The following PRKCB variants were observed in gnomAD, a reference collection of about 807,000 sequenced individuals.
The protein encoded by PRKCB is protein kinase C beta type.
In PRKCB, 13 loss-of-function variants were observed where a neutral mutation model predicts 81.5. The ratio of observed to expected loss-of-function variants is 0.16; its 90% CI spans 0.10 to 0.25. PRKCB has a LOEUF of 0.25. Among genes scored for constraint, PRKCB ranks in the 10% least tolerant of loss-of-function variants. The pLI is 1.00. For synonymous variants in PRKCB, 335 were observed against 321.4 expected, an observed-to-expected ratio of 1.04 and a Z score of -0.45; for missense variants, 509 against 875.7, an observed-to-expected ratio of 0.58 and a Z score of 5.29.
At chr16:24,120,464 G>A (rs1391329661) in intron 8 of PRKCB, among the ~76,000 whole-genome samples, 1 of 152,204 alleles carries the variant, frequency 6.6e-6, no homozygotes, top group Non-Finnish European at 1.5e-5. Flanking sequence ...TTAAGCTGCT[G>A]TGGGGAAGAG....
chr16:24,159,005 C>T (rs1202429476), intron 10 of PRKCB, among the ~76,000 whole-genome samples: 1 of 152,062 alleles, frequency 6.6e-6, no homozygotes, highest in Non-Finnish European at 1.5e-5. Flanking sequence ...CTCCACCTGA[C>T]ACCCCTGGGT....
chr16:24,084,161 C>T (rs966293738), intron 5 of PRKCB, among the ~76,000 whole-genome samples: 8 of 152,012 alleles, frequency 5.3e-5, no homozygotes, highest in African/African-American at 1.9e-4. Context: ...ATAAATATAA[C>T]CACTAAATAA....
At chr16:24,047,732 G>C (rs1965785686) in intron 5 of PRKCB, among the ~76,000 whole-genome samples, 1 of 152,206 alleles carries the variant, frequency 6.6e-6, no homozygotes, top group South Asian at 2.1e-4. Flanking sequence ...AGAGGAAGGA[G>C]ATGCTTCAGC....
chr16:24,157,209 G>T (rs1419405002), intron 10 of PRKCB, among the ~76,000 whole-genome samples: 1 of 152,116 alleles, frequency 6.6e-6, no homozygotes, highest in East Asian at 1.9e-4. Context: ...AAGAGAGACT[G>T]AGAACCAGGA....
intron 5 of PRKCB, among the ~76,000 whole-genome samples, chr16:24,081,706 T>C (rs769650036): frequency 1.3e-5 from 2 of 151,856 alleles, no homozygotes; most frequent in Non-Finnish European, 2.9e-5. Flanking sequence ...AACCCCCACA[T>C]CTACTAAAAA....
Position 24,217,962 on chromosome 16 carries a change from A to G in PRKCB, c.*3146A>G. 1 of 985,364 alleles carries G rather than the reference A, an allele frequency of 1.0e-6. No homozygotes were observed. Among genetic ancestry groups the G allele is most frequent in the Non-Finnish European group, 1.2e-6 (1 of 829,922 alleles). 61.0% of individuals were successfully genotyped at this position (985,364 alleles called of 1,614,324 possible). ...ATTCCATTGTTTTGCCTCAGAGTAA[A>G]GTTTCTGGCTCGGGGACAATTATAA... On this transcript the variant is annotated 3_prime_UTR_variant, in exon 17 of 17. Transcript: ENST00000643927.
chr16:23,879,705 G>T (rs1567300063), intron 2 of PRKCB, among the ~76,000 whole-genome samples: 2 of 152,014 alleles, frequency 1.3e-5, no homozygotes. Flanking sequence ...TGTTGGCTAG[G>T]CTGGTCTCGA....
At position 24,149,909 on chromosome 16, in the gene PRKCB, A is replaced by G. The variant is rs1454341254; in HGVS notation, c.1066-4775A>G. Among the ~76,000 whole-genome samples the G allele has an allele frequency of 2.0e-5, 3 of 152,252 alleles. No homozygotes were observed. The East Asian group carries it at 5.8e-4, about 29-fold the overall frequency. On this transcript the variant is annotated intron_variant, in intron 9 of 16. Coordinates refer to ENST00000643927, the MANE Select transcript of PRKCB (RefSeq NM_002738.7). ...AGGAACATAAAGGTTTCAAACAGAA[A>G]ATGGCTAAGCCTCATGAGAGATTGG...
intron 2 of PRKCB, among the ~76,000 whole-genome samples, chr16:23,951,530 C>A (rs1964283134): frequency 6.6e-6 from 1 of 151,596 alleles, no homozygotes; most frequent in Non-Finnish European, 1.5e-5. Context: ...ATCTTCCCAC[C>A]TTAGCCTCCC....
At chr16:23,908,571 C>A (rs990552813) in intron 2 of PRKCB, among the ~76,000 whole-genome samples, 10 of 152,000 alleles carry the variant, frequency 6.6e-5, no homozygotes, top group African/African-American at 2.4e-4. Flanking sequence ...CGCTCTGTCG[C>A]CCCAGGCTGG....
chr16:23,856,657 G>T (rs992381206), intron 2 of PRKCB, among the ~76,000 whole-genome samples: 3 of 151,906 alleles, frequency 2.0e-5, no homozygotes, highest in Non-Finnish European at 4.4e-5. Context: ...ATGAGTAGCT[G>T]GGACTTGAGG....
chr16:24,174,238 T>C lies in PRKCB; in HGVS notation c.1332-280T>C, dbSNP rs560112043. The C allele has an allele frequency of 2.4e-5, 8 of 326,788 alleles. No homozygotes were observed. In the East Asian group the frequency reaches 2.5e-4, roughly 10 times the overall value. The allele number at this position is 326,788 out of a possible 1,614,324, so 20.2% of individuals were successfully genotyped here. ...CTATGTTGCCCAGCTAGTGAAACTA[T>C]AATCCTTCATCCAGTTCATCATATC... On this transcript the variant is annotated intron_variant, in intron 11 of 16. Coordinates refer to ENST00000643927, the MANE Select transcript of PRKCB (RefSeq NM_002738.7).
intron 5 of PRKCB, among the ~76,000 whole-genome samples, chr16:24,053,494 C>A (rs751156277): frequency 1.3e-5 from 2 of 152,088 alleles, no homozygotes; most frequent in Non-Finnish European, 2.9e-5. Context: ...AGTTTGTAGA[C>A]CTCTGTTGTA....
At chr16:23,989,829 C>T (rs538008640) in intron 3 of PRKCB, among the ~76,000 whole-genome samples, 3 of 152,292 alleles carry the variant, frequency 2.0e-5, no homozygotes, top group Non-Finnish European at 1.5e-5. Flanking sequence ...ATGCCTAATA[C>T]TTGCTTTTCC....
intron 2 of PRKCB, among the ~76,000 whole-genome samples, chr16:23,956,978 G>GT (rs1964357568): frequency 3.5e-5 from 1 of 28,224 alleles, no homozygotes; most frequent in Non-Finnish European, 5.9e-5. Context: ...GCTATAGGCA[G>GT]TAAAAAAAAA....
chr16:24,109,003 C>A (rs1315827764), intron 7 of PRKCB, among the ~76,000 whole-genome samples: 1 of 139,412 alleles, frequency 7.2e-6, no homozygotes, highest in African/African-American at 3.1e-5. Context: ...ACCTCCCTCC[C>A]GGACGGGGCG....
intron 13 of PRKCB, among the ~76,000 whole-genome samples, chr16:24,184,621 G>A (rs1362808870): frequency 6.6e-6 from 1 of 152,094 alleles, no homozygotes; most frequent in Admixed American, 6.5e-5. Context: ...GATTATGGGT[G>A]ATTTTCATGT....
intron 2 of PRKCB, among the ~76,000 whole-genome samples, chr16:23,921,830 T>C (rs1963830217): frequency 6.6e-6 from 1 of 152,082 alleles, no homozygotes; most frequent in Non-Finnish European, 1.5e-5. Flanking sequence ...TACCCTCATA[T>C]CACAATAATG....
intron 16 of PRKCB, among the ~76,000 whole-genome samples, chr16:24,193,336 T>C (rs368186039): frequency 6.6e-6 from 1 of 151,720 alleles, no homozygotes; most frequent in African/African-American, 2.4e-5. Context: ...TCCCAGCTAT[T>C]TGTGAGGCTG....
Sources: gnomAD v4.1 joint callset for allele counts (sites outside exome capture counted in the v4.1 genomes callset) on GRCh38, gnomAD v4.1.1 for gene constraint, MANE v1.5 for transcripts, NCBI Gene and HGNC (gene_info 2026-07-23, HGNC 2026-07-21) for gene names.